WWOX: variants seen among roughly 807,000 people sequenced by gnomAD.
WWOX encodes WW domain-containing oxidoreductase.
A neutral mutation model predicts 46.2 loss-of-function variants in WWOX; 69 were observed. The observed-to-expected ratio is 1.49, with a 90% CI of 1.23 to 1.82. The LOEUF is 1.82. Among genes scored for constraint, WWOX ranks in the 40% most tolerant of loss-of-function variants. WWOX has a pLI of 0.00. For synonymous variants in WWOX, 359 were observed against 202.6 expected (o/e 1.77, Z -6.56); for missense variants, 919 against 542.6 (o/e 1.69, Z -6.89).
At chr16:78,789,188 G>A (rs2050531283) in intron 8 of WWOX, among the ~76,000 whole-genome samples, 1 of 152,108 alleles carries the variant, frequency 6.6e-6, no homozygotes, top group Non-Finnish European at 1.5e-5. Flanking sequence ...GATTGTCATG[G>A]TGGTGTGAGA....
chr16:78,989,832 G>GTGTGTGTA (rs1169089760), intron 8 of WWOX, among the ~76,000 whole-genome samples: 1 of 150,970 alleles, frequency 6.6e-6, no homozygotes, highest in Non-Finnish European at 1.5e-5. Context: ...GTGTGTGTGT[G>GTGTGTGTA]TGTGTGTGTG....
At chr16:79,140,449 A>G (rs1044910065) in intron 8 of WWOX, among the ~76,000 whole-genome samples, 3 of 152,134 alleles carry the variant, frequency 2.0e-5, no homozygotes, top group African/African-American at 4.8e-5. Flanking sequence ...CTCTCCTACC[A>G]TACAGCACTG....
intron 8 of WWOX, among the ~76,000 whole-genome samples, chr16:79,122,918 G>C (rs2049669460): frequency 6.6e-6 from 1 of 152,186 alleles, no homozygotes. Context: ...AGGTCTCTGA[G>C]GCAGCAATGG....
At chr16:78,660,769 T>C (rs1473837935) in intron 8 of WWOX, among the ~76,000 whole-genome samples, 2 of 152,204 alleles carry the variant, frequency 1.3e-5, no homozygotes, top group Non-Finnish European at 2.9e-5. Flanking sequence ...TCCAGAAACG[T>C]TCTATGCATT....
intron 8 of WWOX, among the ~76,000 whole-genome samples, chr16:78,749,667 A>G (rs559334163): frequency 3.3e-5 from 5 of 151,660 alleles, no homozygotes; most frequent in South Asian, 2.1e-4. Context: ...CTAAGGAGGA[A>G]AAATTATAGA....
At chr16:78,477,161 G>C (rs531807817) in intron 8 of WWOX, among the ~76,000 whole-genome samples, 14 of 152,246 alleles carry the variant, frequency 9.2e-5, no homozygotes, top group African/African-American at 2.9e-4. Context: ...ATTGCTTTTA[G>C]TGTAATCGAA....
At chr16:79,028,642 A>G (rs1268196454) in intron 8 of WWOX, among the ~76,000 whole-genome samples, 1 of 151,402 alleles carries the variant, frequency 6.6e-6, no homozygotes, top group Non-Finnish European at 1.5e-5. Context: ...TTTTGGGGGG[A>G]AAAAACGCTT....
At chr16:78,292,762 C>G (rs542795175) in intron 5 of WWOX, among the ~76,000 whole-genome samples, 1 of 152,190 alleles carries the variant, frequency 6.6e-6, no homozygotes, top group South Asian at 2.1e-4. Context: ...TGGAGGGCTT[C>G]GTAGAAGAGC....
rs770705677 is a variant in WWOX, at chr16:78,469,475, C to T, written c.1056+36723C>T. ...GTTCTGAAACAGAGATGACAGGCTC[C>T]GCAGTGAGGGTGATGATGGTGTTAC... On this transcript the variant is annotated intron_variant, in intron 8 of 8. Transcript: ENST00000566780. Among the ~76,000 whole-genome samples the T allele has an allele frequency of 4.7e-4, 72 of 152,236 alleles. 1 individual carries two copies. Among genetic ancestry groups the T allele is most frequent in the Admixed American group, 9.8e-4 (15 of 15,284 alleles).
At chr16:78,959,857 T>C (rs1420017884) in intron 8 of WWOX, among the ~76,000 whole-genome samples, 1 of 152,212 alleles carries the variant, frequency 6.6e-6, no homozygotes, top group Non-Finnish European at 1.5e-5. Context: ...ATGCCTGGTT[T>C]TCTTCTGGAG....
At chr16:78,988,841 A>G (rs955199) in intron 8 of WWOX, among the ~76,000 whole-genome samples, 114,251 of 152,050 alleles carry the variant, frequency 0.75, 44,111 homozygotes, top group Non-Finnish European at 0.85. Flanking sequence ...CCCTGGGGCC[A>G]GCATGTTGCT....
intron 8 of WWOX, among the ~76,000 whole-genome samples, chr16:78,704,030 A>G (rs1267516246): frequency 6.6e-6 from 1 of 152,024 alleles, no homozygotes; most frequent in East Asian, 1.9e-4. Flanking sequence ...CATCACCCCT[A>G]TCCATCTCCA....
At chr16:78,912,414 C>G (rs769510016) in intron 8 of WWOX, among the ~76,000 whole-genome samples, 9 of 151,932 alleles carry the variant, frequency 5.9e-5, no homozygotes, top group Non-Finnish European at 1.0e-4. Flanking sequence ...TGCCCAGGGT[C>G]ACACAATTAG....
intron 5 of WWOX, among the ~76,000 whole-genome samples, chr16:78,186,309 C>G (rs1300334629): frequency 6.6e-6 from 1 of 151,466 alleles, no homozygotes; most frequent in Non-Finnish European, 1.5e-5. Flanking sequence ...TTTCATCAGA[C>G]ATTGCCGACC....
intron 8 of WWOX, among the ~76,000 whole-genome samples, chr16:78,594,543 A>G (rs1052102273): frequency 8.0e-5 from 12 of 149,642 alleles, no homozygotes; most frequent in South Asian, 4.3e-4. Flanking sequence ...AAAAGTCTCA[A>G]TCACCTGGCT....
intron 5 of WWOX, among the ~76,000 whole-genome samples, chr16:78,228,337 CTCTT>C (rs1301138442): frequency 1.7e-5 from 2 of 114,896 alleles, no homozygotes; most frequent in East Asian, 5.6e-4. Context: ...ATCATATTCT[CTCTT>C]TTTTTTTTTT....
chr16:78,515,938 T>A (rs2043225619), intron 8 of WWOX, among the ~76,000 whole-genome samples: 1 of 152,198 alleles, frequency 6.6e-6, no homozygotes, highest in South Asian at 2.1e-4. Flanking sequence ...AGGTTTCATT[T>A]GTCTCTCAGT....
intron 8 of WWOX, among the ~76,000 whole-genome samples, chr16:78,799,992 A>G (rs529827741): frequency 6.6e-6 from 1 of 152,128 alleles, no homozygotes; most frequent in African/African-American, 2.4e-5. Context: ...GGTTCCGATG[A>G]ACTCTTTTTT....
At chr16:78,610,097 C>G (rs2045864373) in intron 8 of WWOX, among the ~76,000 whole-genome samples, 1 of 152,104 alleles carries the variant, frequency 6.6e-6, no homozygotes, top group South Asian at 2.1e-4. Flanking sequence ...CTTTGCTGGT[C>G]TGTGGCAAGG....
Sources: gnomAD v4.1 joint callset for allele counts (sites outside exome capture counted in the v4.1 genomes callset) on GRCh38, gnomAD v4.1.1 for gene constraint, MANE v1.5 for transcripts, NCBI Gene and HGNC (gene_info 2026-07-23, HGNC 2026-07-21) for gene names.